Variants in TSPOAP1 observed in about 807,000 individuals in gnomAD.
TSPOAP1 encodes the protein TSPO associated protein 1.
TSPOAP1 carries 87 observed loss-of-function variants against 197.0 expected under a neutral mutation model. The observed-to-expected ratio is 0.44, with a 90% CI of 0.37 to 0.53. The LOEUF (loss-of-function observed/expected upper bound fraction) is 0.53, where lower values mean the gene tolerates loss of function less well. Among genes scored for constraint, TSPOAP1 ranks in the 20% least tolerant of loss-of-function variants. The pLI, the probability that TSPOAP1 is intolerant of heterozygous loss-of-function variation, is 0.00. For synonymous variants in TSPOAP1, 913 were observed against 998.9 expected (o/e 0.91, Z 1.62); for missense variants, 2,174 against 2,411.3 (o/e 0.90, Z 2.06).
At chr17:58,325,050 G>C in intron 4 of TSPOAP1, 48 bp from the exon 5 acceptor site, 1 of 1,449,336 alleles carries the variant, frequency 6.9e-7, no homozygotes, top group Non-Finnish European at 9.2e-7. Flanking sequence ...CCTAATCCTT[G>C]CCCGCCCCAT....
rs775990706 is a variant in TSPOAP1, at chr17:58,311,688, C to A, written c.2964G>T (p.Glu988Asp). ...TCAAGATCCCAGGGGAGGGCCCAGG[C>A]TCGATCTGCACATCCAGAGGGGCAT... The part of the protein sequence containing the change: ...PPDAPLDVQI[E>D]PGPSPGILII... The change falls in exon 18 of 32, where the codon GAG (glutamate) becomes GAT (aspartate). Residue 988 changes from glutamate to aspartate, a missense_variant. By Grantham distance (45) the Glu-to-Asp change is conservative (BLOSUM62 2). Around this residue, in one of 5 missense-constraint regions of TSPOAP1, gnomAD observed 1,933 missense variants for 2,139.0 expected, o/e 0.90. Transcript: ENST00000343736. 1.5e-5 allele frequency: 24 copies of A among 1,601,512 alleles called. No homozygotes were observed. The African/African-American group carries it at 3.1e-4, about 21-fold the overall frequency.
chr17:58,310,385 G>A (rs751286924), intron 20 of TSPOAP1, 127 bp downstream of exon 20: 17 of 1,407,910 alleles, frequency 1.2e-5, no homozygotes, highest in Non-Finnish European at 1.5e-5. Flanking sequence ...ACATAGCACA[G>A]CCAAAGGTGT....
At position 58,315,973 on chromosome 17, in the gene TSPOAP1, G is replaced by A. The variant is rs370674954; in HGVS notation, c.2098+50C>T. ...GATGGATATCCGTCTTTGGGAACAT[G>A]GGCTCAAAGGCAGGGGAATGGACAG... On this transcript the variant is annotated intron_variant, in intron 16 of 31. Transcript: ENST00000343736. The A allele has an allele frequency of 2.2e-6, 3 of 1,382,586 alleles. No homozygotes were observed. The African/African-American group carries it at 4.3e-5, about 20-fold the overall frequency. 85.6% of individuals were successfully genotyped at this position (1,382,586 alleles called of 1,614,324 possible).
In TSPOAP1 at chr17:58,304,292, T is replaced by G. The variant is rs890767238; in HGVS notation, c.*32+46A>C. The G allele has an allele frequency of 6.6e-7, 1 of 1,522,750 alleles. No individual in the cohort carries two copies. Among genetic ancestry groups the G allele is most frequent in the Non-Finnish European group, 9.1e-7 (1 of 1,098,420 alleles). The allele number at this position is 1,522,750 out of a possible 1,614,324, so 94.3% of individuals were successfully genotyped here. On this transcript the variant is annotated intron_variant, in intron 31 of 31. Transcript: ENST00000343736. This position sits in a 1 kb window ranked among gnomAD's most constrained non-coding sequence, Gnocchi z 4.2. ...ACAAAGGAGCACTGTCTGATTATGGTCAAGTGGGGGTGGACGGTCACACAG... is the reference window on the plus strand; with the variant it reads ...ACAAAGGAGCACTGTCTGATTATGGGCAAGTGGGGGTGGACGGTCACACAG...
chr17:58,323,202 GC>G, intron 7 of TSPOAP1, 95 bp downstream of exon 7: 4 of 1,500,706 alleles, frequency 2.7e-6, no homozygotes, highest in Non-Finnish European at 3.7e-6. Flanking sequence ...GTTCTTGAGG[GC>G]AGCAGGGGTG....
Position 58,309,479 on chromosome 17 carries a change from G to T in TSPOAP1, c.3892-99C>A. The stretch of plus-strand genomic sequence containing the variant: ...CGATCTTTGCCCTCAAACGAAGGCA[G>T]GGGTTACGGACAACCCCACAGCCCT... On this transcript the variant is annotated intron_variant, in intron 21 of 31. Coordinates refer to ENST00000343736, the MANE Select transcript of TSPOAP1 (RefSeq NM_004758.4). The surrounding 1 kb of genome is among the most constrained non-coding windows in gnomAD (Gnocchi z 5.0). 1 of 1,465,450 alleles carries T rather than the reference G, an allele frequency of 6.8e-7. No homozygotes were observed. The highest frequency in any genetic ancestry group is 2.4e-5 in the East Asian group (1 of 42,384). The allele number at this position is 1,465,450 out of a possible 1,614,324, so 90.8% of individuals were successfully genotyped here. A position where few individuals can be genotyped will look rare whatever the true frequency, so the allele number is the denominator to read the frequency against.
rs112605641 is a variant in TSPOAP1, at chr17:58,317,070, C to A, written c.1873-530G>T. On this transcript the variant is annotated intron_variant, in intron 14 of 31. Coordinates refer to ENST00000343736, the MANE Select transcript of TSPOAP1 (RefSeq NM_004758.4). Reference sequence around the variant, plus strand: ...AATTAGCTGGGTGTGGTGGTGCATGCCTGTGGTCCCAGCTACTTGGGAGGC... The same window carrying A: ...AATTAGCTGGGTGTGGTGGTGCATGACTGTGGTCCCAGCTACTTGGGAGGC... Among the ~76,000 whole-genome samples, 6 of 152,214 alleles carry A rather than the reference C, an allele frequency of 3.9e-5. No individual in the cohort carries two copies. In the East Asian group the frequency reaches 1.2e-3, roughly 29 times the overall value.
rs761368724 is a variant in TSPOAP1, at chr17:58,320,103, C to T, written c.1494+6G>A. On this transcript the variant is annotated splice_donor_region_variant and intron_variant, in intron 12 of 31. Transcript: ENST00000343736. ...AGGTGTGGGGAAGTGGAGAACGAGGCGCTACCTGCATGGAATCCAAGGTAG... is the reference window on the plus strand; with the variant it reads ...AGGTGTGGGGAAGTGGAGAACGAGGTGCTACCTGCATGGAATCCAAGGTAG... The T allele has an allele frequency of 2.1e-5, 34 of 1,613,992 alleles. No individual in the cohort carries two copies. Among genetic ancestry groups the T allele is most frequent in the Middle Eastern group, 3.3e-4 (2 of 6,084 alleles).
At position 58,306,829 on chromosome 17, in the gene TSPOAP1, A is replaced by G; in HGVS notation, c.5123T>C (p.Leu1708Ser). ...GCCCTCAAGGAGAATATCTGGGGAC[A>G]AATAACCCCGCTGGAGCAGTTGCTG... ...GRQQLLQRGY[L>S]SPDILLEGSG... The change falls in exon 25 of 32, where the codon TTG (leucine) becomes TCG (serine). Residue 1708 changes from leucine (L) to serine (S), a missense_variant. By Grantham distance (145) the Leu-to-Ser change is moderately radical. Around this residue, in one of 5 missense-constraint regions of TSPOAP1, gnomAD observed 161 missense variants for 159.1 expected, o/e 1.01. Transcript: ENST00000343736. The G allele has an allele frequency of 6.2e-7, 1 of 1,613,868 alleles. No individual in the cohort carries two copies. Among genetic ancestry groups the G allele is most frequent in the Non-Finnish European group, 8.5e-7 (1 of 1,179,906 alleles).
Position 58,304,477 on chromosome 17 carries a change from G to A in TSPOAP1, c.5545-78C>T. 8.3e-7 allele frequency: 1 copy of A among 1,200,426 alleles called. No individual in the cohort carries two copies. Among genetic ancestry groups the A allele is most frequent in the South Asian group, 1.2e-5 (1 of 82,544 alleles). 74.4% of individuals were successfully genotyped at this position (1,200,426 alleles called of 1,614,324 possible). A position where few individuals can be genotyped will look rare whatever the true frequency, so the allele number is the denominator to read the frequency against. On this transcript the variant is annotated intron_variant, in intron 30 of 31. Coordinates refer to ENST00000343736, the MANE Select transcript of TSPOAP1 (RefSeq NM_004758.4). The surrounding 1 kb of genome is among the most constrained non-coding windows in gnomAD (Gnocchi z 4.2). ...CTCCGCCCGGCCACCAGGTGGCCCTGCGCAGGGGTGGGCCCTACTCTCCAA... is the reference window on the plus strand; with the variant it reads ...CTCCGCCCGGCCACCAGGTGGCCCTACGCAGGGGTGGGCCCTACTCTCCAA...
Position 58,310,574 on chromosome 17 carries a change from C to G in TSPOAP1, c.3637G>C (p.Ala1213Pro), listed in dbSNP as rs1455810054. The G allele has an allele frequency of 6.2e-7, 1 of 1,613,462 alleles. No homozygotes were observed. Residue 1213 changes from alanine to proline, a missense_variant, in exon 20 of 32, where the codon GCG becomes CCG. Physicochemically the swap from Ala to Pro is conservative, Grantham distance 27. This residue lies in a region of TSPOAP1 where 1,933 missense variants were observed against 2,139.0 expected (regional missense o/e 0.90). Coordinates refer to ENST00000343736, the MANE Select transcript of TSPOAP1 (RefSeq NM_004758.4). The stretch of plus-strand genomic sequence containing the variant: ...CCTTGGCACATCTCGGTATTTGGCG[C>G]CTGCTGGGCCCGTGCTCCCTGGGTG... ...SSTQGARAQQ[A>P]PNTEMCQGGD...
chr17:58,307,790 C>G (rs572489360), intron 23 of TSPOAP1, 28 bp from the exon 24 acceptor site: 1 of 1,613,578 alleles, frequency 6.2e-7, no homozygotes, highest in Non-Finnish European at 8.5e-7. Context: ...AGGGCGGTGA[C>G]GCAGCGAGCT....
In TSPOAP1 at chr17:58,323,343, G is replaced by T. The variant is rs1567850030; in HGVS notation, c.1059C>A (p.Ser353Arg). 6.2e-7 allele frequency: 1 copy of T among 1,614,240 alleles called. No individual in the cohort carries two copies. Among genetic ancestry groups the T allele is most frequent in the East Asian group, 2.2e-5 (1 of 44,888 alleles). Residue 353 changes from serine to arginine, a missense_variant, in exon 7 of 32, where the codon AGC becomes AGA. Ser to Arg is a moderately radical substitution (Grantham distance 110). Coordinates refer to ENST00000343736, the MANE Select transcript of TSPOAP1 (RefSeq NM_004758.4). ...ELSKKRKKCE[S>R]LEQEARKKQR... is the part of the protein sequence containing the mutation. ...GCTTTTTCCGGGCTTCCTGCTCCAG[G>T]CTCTCGCATTTCTTCCGCTTCTTGC...
At position 58,304,826 on chromosome 17, in the gene TSPOAP1, A is replaced by C; in HGVS notation, c.5544+235T>G. 1 of 636,306 alleles carries C rather than the reference A, an allele frequency of 1.6e-6. No homozygotes were observed. Among genetic ancestry groups the C allele is most frequent in the Non-Finnish European group, 2.9e-6 (1 of 345,642 alleles). The allele number at this position is 636,306 out of a possible 1,614,324, so 39.4% of individuals were successfully genotyped here. On this transcript the variant is annotated intron_variant, in intron 30 of 31. Coordinates refer to ENST00000343736, the MANE Select transcript of TSPOAP1 (RefSeq NM_004758.4). The surrounding 1 kb of genome is among the most constrained non-coding windows in gnomAD (Gnocchi z 4.2). Reference sequence around the variant, plus strand: ...CCACCAGGTGTTGGCAGCTGGCGAGATGGCCTGAGGGTCAGGGTCACAGCT... The same window carrying C: ...CCACCAGGTGTTGGCAGCTGGCGAGCTGGCCTGAGGGTCAGGGTCACAGCT...
chr17:58,310,100 C>A lies in TSPOAP1; in HGVS notation c.3758G>T (p.Arg1253Leu), dbSNP rs372749390. ...HLVNSLVDHG[R>L]NSDLSDIQEE... The stretch of plus-strand genomic sequence containing the variant: ...CTGGATGTCTGACAGGTCTGAGTTG[C>A]GGCCGTGGTCCACGAGGGAGTTCAC... The change falls in exon 21 of 32, where the codon CGC becomes CTC. Residue 1253 changes from arginine (R) to leucine (L), a missense_variant. By Grantham distance (102) the Arg-to-Leu change is moderately radical. Transcript: ENST00000343736. The A allele has an allele frequency of 6.2e-7, 1 of 1,613,380 alleles. No individual in the cohort carries two copies. The highest frequency in any genetic ancestry group is 2.2e-5 in the East Asian group (1 of 44,876).
rs1191906483 is a variant in TSPOAP1, at chr17:58,326,179, C to T, written c.570+114G>A. 2.0e-6 allele frequency: 3 copies of T among 1,497,170 alleles called. No individual in the cohort carries two copies. The East Asian group carries it at 6.8e-5, about 34-fold the overall frequency. 92.7% of individuals were successfully genotyped at this position (1,497,170 alleles called of 1,614,324 possible). ...ACCTTAGCCCCTAGATTCTTGCTTTCCTAGGTGCTGAGCTGAGACCGTGAC... is the reference window on the plus strand; with the variant it reads ...ACCTTAGCCCCTAGATTCTTGCTTTTCTAGGTGCTGAGCTGAGACCGTGAC... On this transcript the variant is annotated intron_variant, in intron 3 of 31. Transcript: ENST00000343736. The surrounding 1 kb of genome is among the most constrained non-coding windows in gnomAD (Gnocchi z 4.7).
At chr17:58,325,503 G>A in intron 4 of TSPOAP1, 31 bp downstream of exon 4, 1 of 1,610,386 alleles carries the variant, frequency 6.2e-7, no homozygotes, top group Non-Finnish European at 8.5e-7. Context: ...GCAGGGCTGA[G>A]CTGGAAGAGG....
At chr17:58,318,132 G>C (rs956699860) in intron 14 of TSPOAP1, 148 bp downstream of exon 14, 3 of 1,018,260 alleles carry the variant, frequency 2.9e-6, no homozygotes, top group African/African-American at 3.3e-5. Flanking sequence ...CTCGCCCACA[G>C]GAGGAATCCA....
rs139237716 is a variant in TSPOAP1, at chr17:58,313,564, C to T, written c.2099-842G>A. 4.4e-3 allele frequency among the ~76,000 whole-genome samples: 669 copies of T among 150,916 alleles called. 2 individuals are homozygous for T. The highest frequency in any genetic ancestry group is 0.016 in the African/African-American group (650 of 40,986). ...AGGCAGAAGCTAGAAGTCATAATCG[C>T]GCCACTGCACTCCAGCCTGGGCGAC... On this transcript the variant is annotated intron_variant, in intron 16 of 31. Coordinates refer to ENST00000343736, the MANE Select transcript of TSPOAP1 (RefSeq NM_004758.4).
Sources: allele counts gnomAD v4.1 joint callset (sites outside exome capture counted in the v4.1 genomes callset), GRCh38; gene constraint gnomAD v4.1.1; regional missense constraint gnomAD v4.1.1; non-coding constraint Gnocchi (gnomAD v3.1); transcripts MANE v1.5; gene names NCBI Gene and HGNC (gene_info 2026-07-23, HGNC 2026-07-21).